PATJ: variants seen among roughly 807,000 people sequenced by gnomAD.
PATJ encodes the protein inaD-like protein.
A neutral mutation model predicts 224.9 loss-of-function variants in PATJ; 190 were observed. That is an observed-to-expected ratio of 0.84 (90% CI 0.75 to 0.95). The LOEUF is 0.95. Among genes scored for constraint, PATJ ranks in the 40% least tolerant of loss-of-function variants. PATJ has a pLI of 0.00. For synonymous variants in PATJ, 769 were observed against 820.3 expected, an observed-to-expected ratio of 0.94 and a Z score of 1.07; for missense variants, 2,121 against 2,270.3, an observed-to-expected ratio of 0.93 and a Z score of 1.34.
intron 28 of PATJ, among the ~76,000 whole-genome samples, chr1:61,997,982 T>TTTTATATATATATATATATATATATATA (rs374175697): frequency 7.6e-5 from 9 of 118,296 alleles, no homozygotes; most frequent in African/African-American, 3.5e-4. Flanking sequence ...TGTGCCCAGC[T>TTTTATATATATATATATATATATATATA]TATATATGTA....
At chr1:61,750,511 C>T (rs1458997608) in intron 1 of PATJ, among the ~76,000 whole-genome samples, 2 of 149,384 alleles carry the variant, frequency 1.3e-5, no homozygotes, top group African/African-American at 4.9e-5. Context: ...TCTCGGCTCA[C>T]CACAACCTCT....
At chr1:62,156,809 G>T (rs1161249868) in intron 43 of PATJ, among the ~76,000 whole-genome samples, 2 of 151,498 alleles carry the variant, frequency 1.3e-5, no homozygotes, top group African/African-American at 4.8e-5. Context: ...CCAGCTACTT[G>T]GGAGGCTGAG....
intron 31 of PATJ, 81 bp from the exon 32 acceptor site, chr1:62,079,369 G>A: frequency 4.8e-6 from 4 of 825,992 alleles, no homozygotes; most frequent in Non-Finnish European, 8.3e-6. Context: ...CATTGTTTTG[G>A]TAACAATACA....
At chr1:62,095,767 C>G (rs1245750495) in intron 33 of PATJ, among the ~76,000 whole-genome samples, 1 of 152,128 alleles carries the variant, frequency 6.6e-6, no homozygotes, top group African/African-American at 2.4e-5. Context: ...TCTATAAAGT[C>G]AAGGCAAACA....
At chr1:62,156,485 A>G (rs1444461163) in intron 43 of PATJ, among the ~76,000 whole-genome samples, 1 of 151,938 alleles carries the variant, frequency 6.6e-6, no homozygotes, top group Non-Finnish European at 1.5e-5. Context: ...AGCTGAGATC[A>G]CACCACTGTA....
Position 61,908,480 on chromosome 1 carries a change from C to A in PATJ, c.3490C>A (p.Arg1164=). ...TGTTCAGAGTTTGTCATCCACTCCA[C>A]GAGTAAGTTTTAGTTCATATTTTCA... The part of the protein sequence containing the change: ...FIVQSLSSTP[R]VIPNVHNKAN... Residue 1164 remains arginine (R), a splice_region_variant and synonymous_variant, in exon 25 of 44, where the codon CGA becomes AGA. Transcript: ENST00000642238. 6.2e-7 allele frequency: 1 copy of A among 1,600,986 alleles called. No homozygotes were observed. Among genetic ancestry groups the A allele is most frequent in the African/African-American group, 1.3e-5 (1 of 74,792 alleles).
chr1:62,040,824 G>T (rs1480423655), intron 30 of PATJ, among the ~76,000 whole-genome samples: 1 of 152,138 alleles, frequency 6.6e-6, no homozygotes, highest in Non-Finnish European at 1.5e-5. Context: ...GATCCATTTG[G>T]CTATTTAGGG....
At chr1:62,106,832 T>C (rs367877999) in intron 33 of PATJ, among the ~76,000 whole-genome samples, 1 of 152,096 alleles carries the variant, frequency 6.6e-6, no homozygotes, top group East Asian at 1.9e-4. Flanking sequence ...TGGGGTCCTA[T>C]AGGTGTCAGC....
At chr1:61,828,879 A>G (rs1343719560) in intron 16 of PATJ, among the ~76,000 whole-genome samples, 1 of 152,100 alleles carries the variant, frequency 6.6e-6, no homozygotes, top group African/African-American at 2.4e-5. Flanking sequence ...ACTACCTCAT[A>G]ATTGTGAATC....
intron 27 of PATJ, among the ~76,000 whole-genome samples, chr1:61,975,464 T>A (rs932053338): frequency 6.6e-6 from 1 of 152,096 alleles, no homozygotes; most frequent in South Asian, 2.1e-4. Context: ...AATTTTTTTT[T>A]AATAGATAAA....
At chr1:62,054,111 T>C (rs973167640) in intron 31 of PATJ, among the ~76,000 whole-genome samples, 2 of 152,104 alleles carry the variant, frequency 1.3e-5, no homozygotes, top group African/African-American at 4.8e-5. Context: ...ATAAATGTCA[T>C]TGTCTTGTAA....
At chr1:61,894,214 A>G (rs1239710610) in intron 22 of PATJ, among the ~76,000 whole-genome samples, 4 of 152,044 alleles carry the variant, frequency 2.6e-5, no homozygotes, top group Non-Finnish European at 4.4e-5. Flanking sequence ...AGATTGTGCC[A>G]TTGCACTCCA....
At chr1:61,790,208 A>G (rs1217448008) in intron 8 of PATJ, among the ~76,000 whole-genome samples, 8 of 31,828 alleles carry the variant, frequency 2.5e-4, no homozygotes, top group African/African-American at 8.9e-4. Flanking sequence ...TGTCTCTGAG[A>G]AAAAAAAAAA....
intron 18 of PATJ, among the ~76,000 whole-genome samples, chr1:61,859,829 A>G (rs1054762773): frequency 1.3e-5 from 2 of 152,138 alleles, no homozygotes; most frequent in African/African-American, 4.8e-5. Context: ...CAGGCTGGGC[A>G]GGTTGGTCTC....
chr1:62,037,027 G>A (rs961157084), intron 29 of PATJ, among the ~76,000 whole-genome samples: 13 of 152,198 alleles, frequency 8.5e-5, no homozygotes, highest in African/African-American at 3.1e-4. Context: ...GAAAAGTAAA[G>A]CATAAAATGG....
intron 39 of PATJ, among the ~76,000 whole-genome samples, chr1:62,127,337 T>C (rs7528543): frequency 0.18 from 26,843 of 151,974 alleles, 3,952 homozygotes; most frequent in East Asian, 0.75. Flanking sequence ...TTTTGCAGTC[T>C]TTTGTGATAA....
At chr1:62,047,334 G>T (rs895541112) in intron 30 of PATJ, among the ~76,000 whole-genome samples, 2 of 152,172 alleles carry the variant, frequency 1.3e-5, no homozygotes, top group Non-Finnish European at 2.9e-5. Context: ...TCGGCTCACC[G>T]CAACCTCTGC....
intron 35 of PATJ, among the ~76,000 whole-genome samples, chr1:62,115,647 C>T (rs1055986091): frequency 1.4e-5 from 2 of 147,828 alleles, no homozygotes; most frequent in Non-Finnish European, 3.0e-5. Flanking sequence ...CCCAACAGGG[C>T]TATAGGATTT....
intron 33 of PATJ, among the ~76,000 whole-genome samples, chr1:62,101,569 T>C (rs760484385): frequency 1.3e-5 from 2 of 152,168 alleles, no homozygotes; most frequent in Admixed American, 6.5e-5. Flanking sequence ...AGCCTAAAGA[T>C]AGTAGTTTCT....
Sources: gnomAD v4.1 joint callset for allele counts (sites outside exome capture counted in the v4.1 genomes callset) on GRCh38, gnomAD v4.1.1 for gene constraint, MANE v1.5 for transcripts, NCBI Gene and HGNC (gene_info 2026-07-23, HGNC 2026-07-21) for gene names.